The following NUP107 variants were observed in gnomAD, a reference collection of about 807,000 sequenced individuals.
NUP107 encodes nuclear pore complex protein Nup107.
NUP107 carries 101 observed loss-of-function variants against 141.0 expected under a neutral mutation model. The observed-to-expected ratio is 0.72, with a 90% CI of 0.61 to 0.84. The LOEUF (loss-of-function observed/expected upper bound fraction) is 0.84, where lower values mean the gene tolerates loss of function less well. Ranked by LOEUF, NUP107 falls within the 40% of genes least tolerant of loss-of-function variation. The pLI is 0.00. For synonymous variants in NUP107, 319 were observed against 363.9 expected (o/e 0.88, Z 1.41); for missense variants, 941 against 1,102.7 (o/e 0.85, Z 2.08).
intron 10 of NUP107, among the ~76,000 whole-genome samples, chr12:68,710,665 A>C (rs1252637950): frequency 6.6e-6 from 1 of 151,680 alleles, no homozygotes; most frequent in African/African-American, 2.4e-5. Flanking sequence ...AAAAAAAAAA[A>C]AAAACAGAAA....
rs769739209 is a variant in NUP107 at position 68,727,333 on chromosome 12, T to C, written c.1696-18T>C. On this transcript the variant is annotated intron_variant, in intron 19 of 27. Transcript: ENST00000229179. Reference sequence around the variant, plus strand: ...TATAAGCAGTGTATTTATAATTATGTCTTTTTTTCCTATGAAGGAGGAAGT... The same window carrying C: ...TATAAGCAGTGTATTTATAATTATGCCTTTTTTTCCTATGAAGGAGGAAGT... 2 of 1,355,470 alleles carry C rather than the reference T, an allele frequency of 1.5e-6. No individual in the cohort carries two copies. The highest frequency in any genetic ancestry group is 2.1e-6 in the Non-Finnish European group (2 of 963,976). 84.0% of individuals were successfully genotyped at this position (1,355,470 alleles called of 1,614,324 possible).
intron 8 of NUP107, among the ~76,000 whole-genome samples, chr12:68,707,307 GA>G (rs113669292): frequency 0.27 from 40,183 of 149,962 alleles, 6,154 homozygotes; most frequent in Non-Finnish European, 0.35. Context: ...TGTCAAAAAA[GA>G]AAAAAAAAAT....
chr12:68,742,345 TA>T lies in NUP107; in HGVS notation c.2671-5del. The T allele has an allele frequency of 1.3e-6, 2 of 1,551,830 alleles. No homozygotes were observed. Among genetic ancestry groups the T allele is most frequent in the East Asian group, 2.3e-5 (1 of 44,394 alleles). ...TTGTTCTCATTCTTATTTCTCTTTT[TA>T]AAAATCAGGTATTTTCTAAGGAAGA... On this transcript the variant is annotated splice_polypyrimidine_tract_variant and intron_variant, in intron 27 of 27. Coordinates refer to ENST00000229179, the MANE Select transcript of NUP107 (RefSeq NM_020401.4).
At chr12:68,719,498 T>C in intron 13 of NUP107, 67 bp downstream of exon 13, 1 of 1,556,890 alleles carries the variant, frequency 6.4e-7, no homozygotes, top group Non-Finnish European at 8.8e-7. Flanking sequence ...CCAATCTTTG[T>C]GAACTATAGC....
chr12:68,709,685 T>G (rs1450855795), intron 9 of NUP107, among the ~76,000 whole-genome samples: 2 of 151,744 alleles, frequency 1.3e-5, no homozygotes, highest in Non-Finnish European at 2.9e-5. Flanking sequence ...GGTCAGGAGA[T>G]CGAGACCATC....
chr12:68,702,217 G>C lies in NUP107; in HGVS notation c.681-519G>C, dbSNP rs144474347. ...TTGGCCATGCTGGTCTCAAACTCCT[G>C]ACCTCAAGTGATCCACCCACCTCGG... On this transcript the variant is annotated intron_variant, in intron 7 of 27. Transcript: ENST00000229179. 2.0e-3 allele frequency among the ~76,000 whole-genome samples: 310 copies of C among 152,270 alleles called. 2 individuals are homozygous for C. The highest frequency in any genetic ancestry group is 7.0e-3 in the African/African-American group (291 of 41,566).
chr12:68,703,418 A>G (rs1387041153), intron 8 of NUP107, among the ~76,000 whole-genome samples: 1 of 152,012 alleles, frequency 6.6e-6, no homozygotes, highest in Non-Finnish European at 1.5e-5. Context: ...TTAACATATA[A>G]TATGATTTCA....
intron 8 of NUP107, 22 bp from the exon 9 acceptor site, chr12:68,709,216 C>T (rs1348094894): frequency 5.5e-6 from 8 of 1,466,850 alleles, no homozygotes; most frequent in East Asian, 4.6e-5. Context: ...TCTGTTTATC[C>T]TTTTAATATT....
intron 12 of NUP107, among the ~76,000 whole-genome samples, chr12:68,716,217 T>TTTTCTTTC (rs1182741313): frequency 5.1e-5 from 7 of 136,810 alleles, no homozygotes; most frequent in African/African-American, 1.9e-4. Context: ...TTTTTTTCCT[T>TTTTCTTTC]TTTCTTTCTT....
intron 8 of NUP107, among the ~76,000 whole-genome samples, chr12:68,708,746 G>A (rs921508469): frequency 2.0e-5 from 3 of 152,002 alleles, no homozygotes; most frequent in South Asian, 2.1e-4. Flanking sequence ...TAGCCTCCGA[G>A]TAGCTGGGAT....
At position 68,722,644 on chromosome 12, in the gene NUP107, C is replaced by T. The variant is rs191501895; in HGVS notation, c.1506+492C>T. ...TTCTATATTTCTCTCCATGATCTTACGAATATGTGTAAATAATGTAGATAC... is the reference window on the plus strand; with the variant it reads ...TTCTATATTTCTCTCCATGATCTTATGAATATGTGTAAATAATGTAGATAC... On this transcript the variant is annotated intron_variant, in intron 17 of 27. Transcript: ENST00000229179. Among the ~76,000 whole-genome samples, 19 of 152,152 alleles carry T rather than the reference C, an allele frequency of 1.2e-4. No individual in the cohort carries two copies. The East Asian group carries it at 3.1e-3, about 25-fold the overall frequency.
chr12:68,728,317 CGTG>C (rs1877654915), intron 20 of NUP107, among the ~76,000 whole-genome samples: 1 of 148,706 alleles, frequency 6.7e-6, no homozygotes, highest in Non-Finnish European at 1.5e-5. Flanking sequence ...TCAGGCCAGA[CGTG>C]GTGGCTTGCG....
At chr12:68,713,682 C>A in intron 10 of NUP107, 48 bp from the exon 11 acceptor site, 1 of 1,233,954 alleles carries the variant, frequency 8.1e-7, no homozygotes, top group African/African-American at 1.5e-5. Flanking sequence ...AAAAATAGAC[C>A]TATTAAAATT....
chr12:68,700,650 T>G (rs1427141135), intron 6 of NUP107, 76 bp from the exon 7 acceptor site: 1 of 978,672 alleles, frequency 1.0e-6, no homozygotes, highest in Non-Finnish European at 1.4e-6. Context: ...ATTTTAGCAC[T>G]CTATTCAAAT....
At chr12:68,704,093 G>T (rs963839575) in intron 8 of NUP107, among the ~76,000 whole-genome samples, 1 of 152,160 alleles carries the variant, frequency 6.6e-6, no homozygotes, top group African/African-American at 2.4e-5. Flanking sequence ...AAAAAAAAGT[G>T]CAGTGAATGT....
At chr12:68,728,635 C>T (rs1489691940) in intron 20 of NUP107, among the ~76,000 whole-genome samples, 3 of 150,932 alleles carry the variant, frequency 2.0e-5, no homozygotes, top group East Asian at 2.0e-4. Flanking sequence ...TGATCTTTAA[C>T]GCCTGACCTC....
intron 12 of NUP107, among the ~76,000 whole-genome samples, chr12:68,718,844 CATTA>C (rs1378300547): frequency 3.0e-5 from 4 of 134,700 alleles, no homozygotes; most frequent in Non-Finnish European, 6.6e-5. Flanking sequence ...AATAGAATGC[CATTA>C]TGTATGTATG....
chr12:68,728,896 C>A (rs1334503825), intron 20 of NUP107, among the ~76,000 whole-genome samples: 3 of 152,098 alleles, frequency 2.0e-5, no homozygotes, highest in Admixed American at 2.0e-4. Flanking sequence ...AAATGGACAA[C>A]CACAGTTACA....
chr12:68,698,026 T>C (rs1876152305), intron 6 of NUP107, among the ~76,000 whole-genome samples: 2 of 141,912 alleles, frequency 1.4e-5, no homozygotes, highest in Non-Finnish European at 3.0e-5. Context: ...AGACTCCATC[T>C]CAAAAAAAAA....
Sources: allele counts gnomAD v4.1 joint callset (sites outside exome capture counted in the v4.1 genomes callset), GRCh38; gene constraint gnomAD v4.1.1; transcripts MANE v1.5; gene names NCBI Gene and HGNC (gene_info 2026-07-23, HGNC 2026-07-21).